Variants in NASP observed in about 807,000 individuals in gnomAD.
NASP encodes the protein nuclear autoantigenic sperm protein.
Under a neutral mutation model 89.5 loss-of-function variants are expected in NASP, and 24 were observed. The observed-to-expected ratio is 0.27, with a 90% confidence interval of 0.19 to 0.38. The LOEUF (loss-of-function observed/expected upper bound fraction) is 0.38, where lower values mean the gene tolerates loss of function less well. Ranked by LOEUF, NASP falls within the 10% of genes least tolerant of loss-of-function variation. The pLI is 1.00. For synonymous variants in NASP, 306 were observed against 324.7 expected (o/e 0.94, Z 0.62); for missense variants, 848 against 921.4 (o/e 0.92, Z 1.03).
intron 3 of NASP, among the ~76,000 whole-genome samples, chr1:45,602,578 C>A (rs1302345172): frequency 6.6e-6 from 1 of 152,114 alleles, no homozygotes; most frequent in Non-Finnish European, 1.5e-5. Flanking sequence ...AATTTGTATT[C>A]CAGTCACTAC....
At chr1:45,601,901 C>T (rs560818434) in intron 2 of NASP, among the ~76,000 whole-genome samples, 17 of 151,578 alleles carry the variant, frequency 1.1e-4, no homozygotes, top group South Asian at 4.2e-4. Context: ...TACAGGCACC[C>T]GCCACCACGC....
At chr1:45,585,259 A>AT (rs1007826518) in intron 1 of NASP, among the ~76,000 whole-genome samples, 61 of 150,790 alleles carry the variant, frequency 4.0e-4, no homozygotes, top group Non-Finnish European at 5.3e-4. Context: ...ATCTGGTTCT[A>AT]TTTTTTTTTC....
rs1459120284 is a variant in NASP at position 45,607,359 on chromosome 1, G to A, written c.448G>A (p.Ala150Thr). 4 of 1,614,028 alleles carry A rather than the reference G, an allele frequency of 2.5e-6. No individual in the cohort carries two copies. Among genetic ancestry groups the A allele is most frequent in the Non-Finnish European group, 3.4e-6 (4 of 1,179,942 alleles). Reference sequence around the variant, plus strand: ...AGAGTTGAGAGAACAGGTTTATGACGCCATGGGAGAAAAAGAAGAAGCCAA... The same window carrying A: ...AGAGTTGAGAGAACAGGTTTATGACACCATGGGAGAAAAAGAAGAAGCCAA... ...REELREQVYD[A>T]MGEKEEAKKT... Residue 150 changes from alanine (A) to threonine (T), a missense_variant, in exon 6 of 15, where the codon GCC (alanine) becomes ACC (threonine). Ala to Thr is a moderately conservative substitution (Grantham distance 58, BLOSUM62 0). Coordinates refer to ENST00000350030, the MANE Select transcript of NASP (RefSeq NM_002482.4).
chr1:45,609,126 T>G (rs2148362305), intron 6 of NASP, among the ~76,000 whole-genome samples: 1 of 152,354 alleles, frequency 6.6e-6, no homozygotes, highest in South Asian at 2.1e-4. Context: ...TAAATTTCAT[T>G]AAGGTGTATA....
chr1:45,610,444 T>C (rs1453797815), intron 6 of NASP: 1 of 152,236 alleles, frequency 6.6e-6, no homozygotes, highest in African/African-American at 2.4e-5. Context: ...AACCACTTAC[T>C]TTCTGTGCTT....
intron 2 of NASP, among the ~76,000 whole-genome samples, chr1:45,601,541 C>G (rs1450882254): frequency 6.6e-6 from 1 of 151,996 alleles, no homozygotes; most frequent in East Asian, 1.9e-4. Context: ...TTCTTTATGC[C>G]AATACTACAT....
intron 2 of NASP, among the ~76,000 whole-genome samples, chr1:45,597,450 TGAAAA>T (rs1252088383): frequency 1.3e-5 from 2 of 152,116 alleles, no homozygotes; most frequent in East Asian, 3.8e-4. Flanking sequence ...TGTACTTTAA[TGAAAA>T]GAAAACACGG....
chr1:45,589,263 G>A (rs1643454628), intron 1 of NASP, among the ~76,000 whole-genome samples: 2 of 152,224 alleles, frequency 1.3e-5, no homozygotes, highest in South Asian at 4.1e-4. Flanking sequence ...GAGTAGCTGG[G>A]ACTACAGGCA....
intron 13 of NASP, 134 bp from the exon 14 acceptor site, chr1:45,617,329 A>G (rs939028751): frequency 5.4e-5 from 54 of 1,005,852 alleles, no homozygotes; most frequent in Middle Eastern, 3.4e-4. Context: ...GCCTGTGGCT[A>G]GGGAGAGAGA....
At chr1:45,593,696 TA>T (rs1195285889) in intron 2 of NASP, among the ~76,000 whole-genome samples, 1 of 150,986 alleles carries the variant, frequency 6.6e-6, no homozygotes, top group African/African-American at 2.4e-5. Flanking sequence ...GGAAAAGGGT[TA>T]AAATAAGTCT....
In NASP at chr1:45,604,980, T is replaced by C; in HGVS notation, c.263T>C (p.Phe88Ser). The C allele has an allele frequency of 1.2e-6, 2 of 1,613,226 alleles. No individual in the cohort carries two copies. Among genetic ancestry groups the C allele is most frequent in the South Asian group, 1.1e-5 (1 of 91,058 alleles). The stretch of plus-strand genomic sequence containing the variant: ...ACAGCTAATGAGTGTGGAGAAGCCT[T>C]CTTTTTCTATGGGAAATCACTTCTG... ...GETANECGEA[F>S]FFYGKSLLEL... The change falls in exon 4 of 15, where the codon TTC becomes TCC. Residue 88 changes from phenylalanine (F) to serine (S), a missense_variant. Phe to Ser is a radical substitution (Grantham distance 155). Transcript: ENST00000350030.
At chr1:45,602,886 A>C (rs1028888796) in intron 3 of NASP, among the ~76,000 whole-genome samples, 5 of 152,132 alleles carry the variant, frequency 3.3e-5, no homozygotes, top group African/African-American at 4.8e-5. Flanking sequence ...GGCCTCCCAG[A>C]GTGCTTTGCA....
At chr1:45,609,426 G>T (rs1280554073) in intron 6 of NASP, 1 of 152,134 alleles carries the variant, frequency 6.6e-6, no homozygotes, top group Non-Finnish European at 1.5e-5. Context: ...GGCTAAAATG[G>T]TAGCACCATT....
chr1:45,613,147 A>T (rs764154170), intron 6 of NASP, 22 bp from the exon 7 acceptor site: 1 of 1,598,056 alleles, frequency 6.3e-7, no homozygotes, highest in East Asian at 2.2e-5. Context: ...TATTCTCAAT[A>T]CTGAGGAATT....
rs1026857166 is a variant in NASP at position 45,618,350 on chromosome 1, C to G, written c.*209C>G. 3.4e-5 allele frequency: 16 copies of G among 470,514 alleles called. No individual in the cohort carries two copies. Among genetic ancestry groups the G allele is most frequent in the Non-Finnish European group, 5.6e-5 (14 of 251,276 alleles). The allele number at this position is 470,514 out of a possible 1,614,324, so 29.1% of individuals were successfully genotyped here. A position where few individuals can be genotyped will look rare whatever the true frequency, so the allele number is the denominator to read the frequency against. ...AAAGGTTTTGTTCTGGCCTTCTGTACTGATCTGTGTTCCTGATCCTAATTC... is the reference window on the plus strand; with the variant it reads ...AAAGGTTTTGTTCTGGCCTTCTGTAGTGATCTGTGTTCCTGATCCTAATTC... On this transcript the variant is annotated 3_prime_UTR_variant, in exon 15 of 15. Coordinates refer to ENST00000350030, the MANE Select transcript of NASP (RefSeq NM_002482.4).
rs199580037 is a variant in NASP, at chr1:45,616,692, G to A, written c.2146G>A (p.Val716Ile). The change falls in exon 13 of 15, where the codon GTC (valine) becomes ATC (isoleucine). Residue 716 changes from valine to isoleucine, a missense_variant. Transcript: ENST00000350030. ...SNCVTDISHL[V>I]RKKRKPEEES... Reference sequence around the variant, plus strand: ...TTGTGTGACTGATATTTCCCACCTTGTCAGAAAGAAGGTAAGTCTACATGT... The same window carrying A: ...TTGTGTGACTGATATTTCCCACCTTATCAGAAAGAAGGTAAGTCTACATGT... 10 of 1,613,352 alleles carry A rather than the reference G, an allele frequency of 6.2e-6. No homozygotes were observed. In the South Asian group the frequency reaches 7.7e-5, roughly 12 times the overall value.
At position 45,594,323 on chromosome 1, in the gene NASP, CAA is replaced by C. The variant is rs34229497; in HGVS notation, c.107+3064_107+3065del. Among the ~76,000 whole-genome samples the C allele has an allele frequency of 4.4e-3, 576 of 129,588 alleles. 6 individuals are homozygous for C. Among genetic ancestry groups the C allele is most frequent in the Non-Finnish European group, 7.6e-3 (459 of 60,070 alleles). The allele number at this position is 129,588 out of a possible 152,430, so 85.0% of individuals were successfully genotyped here. A position where few individuals can be genotyped will look rare whatever the true frequency, so the allele number is the denominator to read the frequency against. ...CATCCTGGGTGACGAGCGAAACTCTCAAAAAAAAAAAACAAACAACAACAAAA... is the reference window on the plus strand; with the variant it reads ...CATCCTGGGTGACGAGCGAAACTCTCAAAAAAAAAACAAACAACAACAAAA... On this transcript the variant is annotated intron_variant, in intron 2 of 14. Coordinates refer to ENST00000350030, the MANE Select transcript of NASP (RefSeq NM_002482.4).
intron 3 of NASP, among the ~76,000 whole-genome samples, chr1:45,604,214 T>G (rs576204145): frequency 1.3e-5 from 2 of 152,356 alleles, no homozygotes; most frequent in African/African-American, 4.8e-5. Flanking sequence ...GCCAGTATTT[T>G]ACTCCATGAA....
At position 45,602,364 on chromosome 1, in the gene NASP, T is replaced by C. The variant is rs769200496; in HGVS notation, c.217T>C (p.Leu73=). The change falls in exon 3 of 15, where the codon TTA becomes CTA. Residue 73 remains leucine (L), a splice_region_variant and synonymous_variant. Transcript: ENST00000350030. ...VNAFQEAASL[L]GKKYGETANE... is the part of the protein sequence containing the mutation. ...TGCATTCCAGGAAGCAGCTAGTCTT[T>C]TGTAAGTATTGTATATTTTGCTATG... The C allele has an allele frequency of 6.2e-7, 1 of 1,612,008 alleles. No homozygotes were observed. The highest frequency in any genetic ancestry group is 1.7e-5 in the Admixed American group (1 of 59,676).
Sources: allele counts gnomAD v4.1 joint callset (sites outside exome capture counted in the v4.1 genomes callset), GRCh38; gene constraint gnomAD v4.1.1; transcripts MANE v1.5; gene names NCBI Gene and HGNC (gene_info 2026-07-23, HGNC 2026-07-21).